MSRA: variants seen among roughly 807,000 people sequenced by gnomAD.
MSRA encodes methionine sulfoxide reductase A.
In MSRA, 54 loss-of-function variants were observed where a neutral mutation model predicts 31.3. That is an observed-to-expected ratio of 1.73 (90% CI 1.39 to 2.17). The LOEUF (loss-of-function observed/expected upper bound fraction) is 2.17, where lower values mean the gene tolerates loss of function less well. Among genes scored for constraint, MSRA ranks in the 30% most tolerant of loss-of-function variants. The pLI is 0.00. For missense variants in MSRA, 507 were observed against 300.9 expected (o/e 1.69, Z -5.07); for synonymous variants, 169 against 116.5 (o/e 1.45, Z -2.90).
At chr8:10,408,020 T>G (rs1330944153) in intron 5 of MSRA, among the ~76,000 whole-genome samples, 1 of 152,060 alleles carries the variant, frequency 6.6e-6, no homozygotes, top group Admixed American at 6.5e-5. Context: ...TATTAAAAAA[T>G]TGACAAGCTT....
chr8:10,066,876 T>A (rs1563391409), intron 1 of MSRA, among the ~76,000 whole-genome samples: 2 of 101,576 alleles, frequency 2.0e-5, no homozygotes, highest in Non-Finnish European at 4.1e-5. Context: ...CTTAAATGAC[T>A]TTTTTTTTTT....
At chr8:10,217,018 C>T (rs771020217) in intron 2 of MSRA, among the ~76,000 whole-genome samples, 3 of 152,222 alleles carry the variant, frequency 2.0e-5, no homozygotes, top group African/African-American at 4.8e-5. Flanking sequence ...ACATTCCCAC[C>T]AGCGAACCAC....
chr8:10,092,908 G>T (rs1178580087), intron 1 of MSRA, among the ~76,000 whole-genome samples: 1 of 152,152 alleles, frequency 6.6e-6, no homozygotes, highest in Non-Finnish European at 1.5e-5. Context: ...TCTTCTTGAT[G>T]AATTAACCCT....
rs146366271 is a variant in MSRA at position 10,144,164 on chromosome 8, C to T, written c.143-63669C>T. ...AAGTCAGGTTAAAGGAACATAGGAG[C>T]GGTGAAGTCTCGTGGTGCCATGTTC... On this transcript the variant is annotated intron_variant, in intron 1 of 5. Transcript: ENST00000317173. Among the ~76,000 whole-genome samples, 191 of 152,264 alleles carry T rather than the reference C, an allele frequency of 1.3e-3. 3 individuals carry two copies. The highest frequency in any genetic ancestry group is 0.012 in the South Asian group (57 of 4,824).
At chr8:10,191,085 C>T (rs536217203) in intron 1 of MSRA, among the ~76,000 whole-genome samples, 2 of 152,308 alleles carry the variant, frequency 1.3e-5, no homozygotes, top group South Asian at 2.1e-4. Context: ...GGTCCTATAA[C>T]CTTAAGCTGC....
At chr8:10,211,392 T>C (rs1809482033) in intron 2 of MSRA, among the ~76,000 whole-genome samples, 1 of 152,186 alleles carries the variant, frequency 6.6e-6, no homozygotes, top group Non-Finnish European at 1.5e-5. Context: ...GCTTCCTCTG[T>C]GGCTCTCCCT....
At chr8:10,233,711 T>C (rs1811693208) in intron 2 of MSRA, among the ~76,000 whole-genome samples, 1 of 152,176 alleles carries the variant, frequency 6.6e-6, no homozygotes, top group Non-Finnish European at 1.5e-5. Flanking sequence ...ATGTGTCAAC[T>C]GACATGTAAA....
At chr8:10,380,075 T>G (rs1041139452) in intron 5 of MSRA, among the ~76,000 whole-genome samples, 2 of 152,214 alleles carry the variant, frequency 1.3e-5, no homozygotes, top group South Asian at 2.1e-4. Flanking sequence ...ATGTCCATCT[T>G]GTTCTTGGTT....
intron 1 of MSRA, among the ~76,000 whole-genome samples, chr8:10,123,700 C>A (rs904474255): frequency 6.6e-6 from 1 of 152,040 alleles, no homozygotes; most frequent in African/African-American, 2.4e-5. Context: ...AGTCCAGTTT[C>A]AATCTTCTGC....
At chr8:10,057,858 C>T (rs80011346) in intron 1 of MSRA, among the ~76,000 whole-genome samples, 16,344 of 152,220 alleles carry the variant, frequency 0.11, 979 homozygotes, top group African/African-American at 0.14. Context: ...AACCTCTCTT[C>T]TTTATAAGTT....
chr8:10,316,676 G>A (rs947858876), intron 4 of MSRA, among the ~76,000 whole-genome samples: 2 of 151,880 alleles, frequency 1.3e-5, no homozygotes, highest in African/African-American at 4.8e-5. Context: ...AAAATGAGCT[G>A]TCAGTTAAAA....
intron 1 of MSRA, among the ~76,000 whole-genome samples, chr8:10,132,392 G>A (rs1801960116): frequency 6.6e-6 from 1 of 152,198 alleles, no homozygotes; most frequent in African/African-American, 2.4e-5. Context: ...CTGGGGTCTG[G>A]TTACCATGGA....
rs546837619 is a variant in MSRA at position 10,128,380 on chromosome 8, C to CA, written c.142+73736dup. On this transcript the variant is annotated intron_variant, in intron 1 of 5. Transcript: ENST00000317173. The stretch of plus-strand genomic sequence containing the variant: ...GGCGACAAAAGCAAAACTCTTGTCT[C>CA]AAAAAAAAAAAAAATTCTGTCTAAA... Among the ~76,000 whole-genome samples, 717 of 133,236 alleles carry CA rather than the reference C, an allele frequency of 5.4e-3. 4 individuals carry two copies. Among genetic ancestry groups the CA allele is most frequent in the African/African-American group, 0.016 (564 of 35,746 alleles). The allele number at this position is 133,236 out of a possible 152,430, so 87.4% of individuals were successfully genotyped here. A position where few individuals can be genotyped will look rare whatever the true frequency, so the allele number is the denominator to read the frequency against.
At chr8:10,083,050 G>T (rs1300552081) in intron 1 of MSRA, among the ~76,000 whole-genome samples, 1 of 152,214 alleles carries the variant, frequency 6.6e-6, no homozygotes, top group Non-Finnish European at 1.5e-5. Context: ...CATTTATCAA[G>T]AATTTGGAAG....
chr8:10,308,339 G>T (rs555775595), intron 4 of MSRA, among the ~76,000 whole-genome samples: 1 of 152,190 alleles, frequency 6.6e-6, no homozygotes, highest in Non-Finnish European at 1.5e-5. Context: ...GTTGTTAAGA[G>T]TGTGGACCCT....
intron 1 of MSRA, among the ~76,000 whole-genome samples, chr8:10,174,944 G>T (rs538425126): frequency 1.1e-4 from 17 of 152,096 alleles, no homozygotes; most frequent in African/African-American, 3.4e-4. Flanking sequence ...CAGCCTTGCC[G>T]ATCTTGCCCC....
intron 1 of MSRA, among the ~76,000 whole-genome samples, chr8:10,185,933 G>T (rs1265827428): frequency 6.6e-6 from 1 of 152,098 alleles, no homozygotes; most frequent in African/African-American, 2.4e-5. Flanking sequence ...ACTCAGAGGG[G>T]TTATTGACCT....
intron 3 of MSRA, among the ~76,000 whole-genome samples, chr8:10,273,971 G>A (rs562847904): frequency 5.3e-5 from 8 of 152,156 alleles, no homozygotes; most frequent in Non-Finnish European, 8.8e-5. Flanking sequence ...GAGGATAGGA[G>A]AGAGTTGTAC....
intron 1 of MSRA, among the ~76,000 whole-genome samples, chr8:10,072,719 A>G (rs533889951): frequency 8.5e-5 from 13 of 152,354 alleles, no homozygotes; most frequent in Admixed American, 3.3e-4. Flanking sequence ...GAGTCTTTCA[A>G]TCCATGAGCA....
Sources: gnomAD v4.1 joint callset for allele counts (sites outside exome capture counted in the v4.1 genomes callset) on GRCh38, gnomAD v4.1.1 for gene constraint, MANE v1.5 for transcripts, NCBI Gene and HGNC (gene_info 2026-07-23, HGNC 2026-07-21) for gene names.